Variants in KCNH2 observed in about 807,000 individuals in gnomAD.
The protein encoded by KCNH2 is voltage-gated inwardly rectifying potassium channel KCNH2.
KCNH2 carries 35 observed loss-of-function variants against 95.9 expected under a neutral mutation model. That is an observed-to-expected ratio of 0.37 (90% CI 0.28 to 0.48). The LOEUF is 0.48. Ranked by LOEUF, KCNH2 falls within the 20% of genes least tolerant of loss-of-function variation. The probability of loss-of-function intolerance (pLI) is 0.99; values close to 1 mark genes in which losing one functional copy is unlikely to be tolerated. For missense variants in KCNH2, 1,274 were observed against 1,702.9 expected (o/e 0.75, Z 4.43); for synonymous variants, 786 against 754.7 (o/e 1.04, Z -0.68).
At position 150,945,534 on chromosome 7, in the gene KCNH2, T is replaced by C. The variant is rs1471394428; in HGVS notation, c.3331-20A>G. 1.9e-6 allele frequency: 3 copies of C among 1,555,098 alleles called. No homozygotes were observed. The highest frequency in any genetic ancestry group is 2.4e-5 in the South Asian group (2 of 84,276). On this transcript the variant is annotated intron_variant, in intron 14 of 14. Transcript: ENST00000262186. The surrounding 1 kb of genome is among the most constrained non-coding windows in gnomAD (Gnocchi z 5.6). ...GGAAACCTGCAATACACACAGAGCA[T>C]GGGCAGGCGAAGAGGCCATGGAGGA...
intron 9 of KCNH2, chr7:150,949,812 C>A (rs1456623809): frequency 3.6e-5 from 44 of 1,233,956 alleles, no homozygotes; most frequent in Non-Finnish European, 4.4e-5. Context: ...TGCAGGGAAC[C>A]ACATGGCCCT....
chr7:150,952,887 C>T lies in KCNH2; in HGVS notation c.1129-34G>A. ...GGGGAAGGCGGAGGTGTGGGTGAGG[C>T]AGGCCATGGGACCTCGGGGGCAGGA... On this transcript the variant is annotated intron_variant, in intron 5 of 14. Coordinates refer to ENST00000262186, the MANE Select transcript of KCNH2 (RefSeq NM_000238.4). This position sits in a 1 kb window ranked among gnomAD's most constrained non-coding sequence, Gnocchi z 7.3. 1 of 1,604,934 alleles carries T rather than the reference C, an allele frequency of 6.2e-7. No homozygotes were observed. The highest frequency in any genetic ancestry group is 8.5e-7 in the Non-Finnish European group (1 of 1,176,954).
At chr7:150,964,633 G>A (rs146046530) in intron 2 of KCNH2, among the ~76,000 whole-genome samples, 36 of 152,344 alleles carry the variant, frequency 2.4e-4, no homozygotes, top group Middle Eastern at 3.4e-3. Flanking sequence ...CTAACAAGGC[G>A]GGGTGCTGGG....
chr7:150,966,031 T>C lies in KCNH2; in HGVS notation c.308-6295A>G, dbSNP rs549813428. On this transcript the variant is annotated intron_variant, in intron 2 of 14. Coordinates refer to ENST00000262186, the MANE Select transcript of KCNH2 (RefSeq NM_000238.4). ...AATTCAACCTGGTCATCAGTTTTCA[T>C]GGAACACAGAGGCTGAGCACCCAGG... Among the ~76,000 whole-genome samples, 6 of 152,324 alleles carry C rather than the reference T, an allele frequency of 3.9e-5. No homozygotes were observed. The South Asian group carries it at 1.2e-3, about 32-fold the overall frequency.
In KCNH2 at chr7:150,947,837, G is replaced by A. The variant is rs577847157; in HGVS notation, c.2734C>T (p.Arg912Trp). The change falls in exon 12 of 15, where the codon CGG becomes TGG. Residue 912 changes from arginine to tryptophan, a missense_variant. Coordinates refer to ENST00000262186, the MANE Select transcript of KCNH2 (RefSeq NM_000238.4). The part of the protein sequence containing the change: ...PGEVSALGPG[R>W]AGAGPSSRGR... ...CGGCTACTCGGCCCTGCCCCCGCCC[G>A]GCCCGGCCCCAAGGCCGACACCTCC... The A allele has an allele frequency of 3.5e-5, 54 of 1,525,004 alleles. No homozygotes were observed. Among genetic ancestry groups the A allele is most frequent in the South Asian group, 2.6e-4 (21 of 82,288 alleles). The allele number at this position is 1,525,004 out of a possible 1,614,324, so 94.5% of individuals were successfully genotyped here.
At chr7:150,970,411 G>C (rs771269270) in intron 2 of KCNH2, among the ~76,000 whole-genome samples, 1 of 151,846 alleles carries the variant, frequency 6.6e-6, no homozygotes. Flanking sequence ...GACGCAACAC[G>C]GAGAAGCCGC....
intron 3 of KCNH2, among the ~76,000 whole-genome samples, chr7:150,958,755 C>G (rs1801473046): frequency 6.6e-6 from 1 of 152,114 alleles, no homozygotes; most frequent in African/African-American, 2.4e-5. Context: ...TCACACCGGC[C>G]GCTGGGTGCC....
rs1164359840 is a variant in KCNH2, at chr7:150,958,448, C to T, written c.527G>A (p.Arg176Gln). The part of the protein sequence containing the change: ...KLPALLALTA[R>Q]ESSVRSGGAG... ...GCCGCCCGACCGCACCGACGACTCC[C>T]GGGCCGTCAGCGCCAGCAGCGCGGG... The change falls in exon 4 of 15, where the codon CGG (arginine) becomes CAG (glutamine). Residue 176 changes from arginine to glutamine, a missense_variant. Arg to Gln is a conservative substitution (Grantham distance 43). This residue lies in a region of KCNH2 where 392 missense variants were observed against 429.9 expected (regional missense o/e 0.91). Coordinates refer to ENST00000262186, the MANE Select transcript of KCNH2 (RefSeq NM_000238.4). The T allele has an allele frequency of 6.1e-6, 9 of 1,466,460 alleles. No individual in the cohort carries two copies. The Admixed American group carries it at 1.5e-4, about 24-fold the overall frequency. The allele number at this position is 1,466,460 out of a possible 1,614,324, so 90.8% of individuals were successfully genotyped here. A position where few individuals can be genotyped will look rare whatever the true frequency, so the allele number is the denominator to read the frequency against.
At chr7:150,970,698 CA>C (rs1356178263) in intron 2 of KCNH2, among the ~76,000 whole-genome samples, 3 of 152,310 alleles carry the variant, frequency 2.0e-5, no homozygotes, top group Middle Eastern at 3.4e-3. Context: ...CCGCACCTGG[CA>C]GCCCTGCAGA....
Position 150,957,272 on chromosome 7 carries a change from C to T in KCNH2, c.1128+19G>A, listed in dbSNP as rs886839865. On this transcript the variant is annotated intron_variant, in intron 5 of 14. Coordinates refer to ENST00000262186, the MANE Select transcript of KCNH2 (RefSeq NM_000238.4). The stretch of plus-strand genomic sequence containing the variant: ...AGCTCCTCCAAGGTGAGAGGAGAGC[C>T]CGGCCGCTGGGCGCCTACCTGGGTG... 4.5e-6 allele frequency: 7 copies of T among 1,550,468 alleles called. No individual in the cohort carries two copies. Among genetic ancestry groups the T allele is most frequent in the Non-Finnish European group, 8.7e-7 (1 of 1,145,002 alleles).
rs1485653201 is a variant in KCNH2, at chr7:150,954,480, G to A, written c.1129-1627C>T. Among the ~76,000 whole-genome samples the A allele has an allele frequency of 2.6e-5, 4 of 152,136 alleles. No individual in the cohort carries two copies. In the East Asian group the frequency reaches 7.7e-4, roughly 29 times the overall value. On this transcript the variant is annotated intron_variant, in intron 5 of 14. Coordinates refer to ENST00000262186, the MANE Select transcript of KCNH2 (RefSeq NM_000238.4). ...GGGTACAAACTCACACGTGCATGGGGCACACCTGACAGGGGCCAGTCCCAG... is the reference window on the plus strand; with the variant it reads ...GGGTACAAACTCACACGTGCATGGGACACACCTGACAGGGGCCAGTCCCAG...
At chr7:150,954,649 C>T (rs1368586161) in intron 5 of KCNH2, among the ~76,000 whole-genome samples, 3 of 152,226 alleles carry the variant, frequency 2.0e-5, no homozygotes, top group African/African-American at 7.2e-5. Context: ...ACCTGTCCCC[C>T]AGCTGGAAAG....
chr7:150,977,866 G>A lies in KCNH2; in HGVS notation c.48C>T (p.Asp16=). ...GGCCCTCAAACTTGCGGATGATGGT[G>A]TCCAGGAAGGTGTTCTGCGGCGCGA... The part of the protein sequence containing the change: ...GHVAPQNTFL[D]TIIRKFEGQS... The change falls in exon 1 of 15, where the codon GAC becomes GAT. Residue 16 remains aspartate (D), a synonymous_variant. Coordinates refer to ENST00000262186, the MANE Select transcript of KCNH2 (RefSeq NM_000238.4). 6.2e-7 allele frequency: 1 copy of A among 1,605,264 alleles called. No homozygotes were observed. The highest frequency in any genetic ancestry group is 8.5e-7 in the Non-Finnish European group (1 of 1,177,388).
chr7:150,952,372 C>T lies in KCNH2; in HGVS notation c.1557+53G>A. The T allele has an allele frequency of 6.4e-7, 1 of 1,565,950 alleles. No individual in the cohort carries two copies. The highest frequency in any genetic ancestry group is 1.8e-5 in the Admixed American group (1 of 56,338). ...CCCCCTCCACCCCACTACCTCCCAC[C>T]ACATTCCTGGCCTCTCCTCTCCCTA... On this transcript the variant is annotated intron_variant, in intron 6 of 14. Transcript: ENST00000262186. This position sits in a 1 kb window ranked among gnomAD's most constrained non-coding sequence, Gnocchi z 7.3.
intron 2 of KCNH2, among the ~76,000 whole-genome samples, chr7:150,971,854 G>A (rs1801847824): frequency 6.6e-6 from 1 of 152,086 alleles, no homozygotes; most frequent in African/African-American, 2.4e-5. Flanking sequence ...GGGGGACAGA[G>A]AGAAGGGACT....
Position 150,951,441 on chromosome 7 carries a change from C to A in KCNH2, c.1945+7G>T, listed in dbSNP as rs561470458. On this transcript the variant is annotated splice_region_variant and intron_variant, in intron 7 of 14. Transcript: ENST00000262186. ...TCTCCCCGCCGCCCGCCCCTGGGCA[C>A]ACTCACAGCCAATGAGCATGACGCA... 1 of 1,613,910 alleles carries A rather than the reference C, an allele frequency of 6.2e-7. No homozygotes were observed. Among genetic ancestry groups the A allele is most frequent in the South Asian group, 1.1e-5 (1 of 91,080 alleles).
Position 150,948,463 on chromosome 7 carries a change from G to C in KCNH2, c.2673C>G (p.Phe891Leu). The C allele has an allele frequency of 1.9e-6, 3 of 1,610,148 alleles. No homozygotes were observed. Among genetic ancestry groups the C allele is most frequent in the Non-Finnish European group, 2.5e-6 (3 of 1,179,628 alleles). ...FSRQRKRKLS[F>L]RRRTDKDTEQ... is the part of the protein sequence containing the mutation. ...CCTCACCCTTGTCCGTGCGCCTGCG[G>C]AAGGACAACTTGCGCTTGCGTTGCC... The change falls in exon 11 of 15, where the codon TTC becomes TTG. Residue 891 changes from phenylalanine (F) to leucine (L), a missense_variant. By Grantham distance (22) the Phe-to-Leu change is conservative. This residue lies in a region of KCNH2 where 457 missense variants were observed against 416.1 expected (regional missense o/e 1.10). Coordinates refer to ENST00000262186, the MANE Select transcript of KCNH2 (RefSeq NM_000238.4).
chr7:150,958,084 G>C lies in KCNH2; in HGVS notation c.891C>G (p.Pro297=). The C allele has an allele frequency of 7.8e-7, 1 of 1,280,708 alleles. No individual in the cohort carries two copies. Among genetic ancestry groups the C allele is most frequent in the Non-Finnish European group, 9.8e-7 (1 of 1,018,010 alleles). The allele number at this position is 1,280,708 out of a possible 1,614,324, so 79.3% of individuals were successfully genotyped here. A position where few individuals can be genotyped will look rare whatever the true frequency, so the allele number is the denominator to read the frequency against. The change falls in exon 4 of 15, where the codon CCC becomes CCG. Residue 297 remains proline, a synonymous_variant. Transcript: ENST00000262186. ...CGGTGCTGGCGTGGCGCGGTGGCGG[G>C]GGCAGCACCCCGGCGCGCATGGCCT... The part of the protein sequence containing the change: ...DIEAMRAGVL[P]PPPRHASTGA...
Position 150,962,521 on chromosome 7 carries a change from C to T in KCNH2, c.308-2785G>A, listed in dbSNP as rs1209830756. 6.6e-6 allele frequency among the ~76,000 whole-genome samples: 1 copy of T among 152,064 alleles called. No homozygotes were observed. Among genetic ancestry groups the T allele is most frequent in the African/African-American group, 2.4e-5 (1 of 41,362 alleles). ...ATGGCATTCTGAAGCCCACCCAGTC[C>T]AGGACCCCACATCTCAAAATCCCCT... is the stretch of plus-strand genomic sequence containing the variant. On this transcript the variant is annotated intron_variant, in intron 2 of 14. Coordinates refer to ENST00000262186, the MANE Select transcript of KCNH2 (RefSeq NM_000238.4). This position sits in a 1 kb window ranked among gnomAD's most constrained non-coding sequence, Gnocchi z 5.7.
Sources: allele counts gnomAD v4.1 joint callset (sites outside exome capture counted in the v4.1 genomes callset), GRCh38; gene constraint gnomAD v4.1.1; regional missense constraint gnomAD v4.1.1; non-coding constraint Gnocchi (gnomAD v3.1); transcripts MANE v1.5; gene names NCBI Gene and HGNC (gene_info 2026-07-23, HGNC 2026-07-21).